The following HS3ST4 variants were observed in gnomAD, a reference collection of about 807,000 sequenced individuals.
HS3ST4 encodes heparan sulfate-glucosamine 3-sulfotransferase 4.
In HS3ST4, 17 loss-of-function variants were observed where a neutral mutation model predicts 29.2. The ratio of observed to expected loss-of-function variants is 0.58; its 90% CI spans 0.40 to 0.87. The LOEUF (loss-of-function observed/expected upper bound fraction) is 0.87. HS3ST4 is among the 40% of genes least tolerant of loss of function. The pLI is 0.00. For missense variants in HS3ST4, 627 were observed against 634.5 expected, an observed-to-expected ratio of 0.99 and a Z score of 0.13; for synonymous variants, 314 against 285.7, an observed-to-expected ratio of 1.10 and a Z score of -1.00.
intron 1 of HS3ST4, among the ~76,000 whole-genome samples, chr16:25,840,964 ATATTTGTTTGTTTATT>A (rs1293239531): frequency 1.4e-5 from 2 of 145,894 alleles, no homozygotes; most frequent in African/African-American, 5.2e-5. Flanking sequence ...ACTTTAATTT[ATATTTGTTTGTTTATT>A]TATTTATTTA....
intron 1 of HS3ST4, among the ~76,000 whole-genome samples, chr16:25,754,135 T>C (rs1966740129): frequency 6.6e-6 from 1 of 152,206 alleles, no homozygotes. Context: ...GTGCCGGTCT[T>C]ATAAAGAGCT....
At position 26,026,177 on chromosome 16, in the gene HS3ST4, G is replaced by C. The variant is rs140286121; in HGVS notation, c.735-109435G>C. On this transcript the variant is annotated intron_variant, in intron 1 of 1. Coordinates refer to ENST00000331351, the MANE Select transcript of HS3ST4 (RefSeq NM_006040.3). ...CTGCCTCAGCCTCCCAAAGTGCTGG[G>C]ATTACAGGCGTGAGCCACCGCACCC... 1.2e-3 allele frequency among the ~76,000 whole-genome samples: 190 copies of C among 152,330 alleles called. 2 individuals carry two copies. Among genetic ancestry groups the C allele is most frequent in the Admixed American group, 2.3e-3 (35 of 15,298 alleles).
chr16:25,768,143 T>C (rs1966833388), intron 1 of HS3ST4, among the ~76,000 whole-genome samples: 1 of 152,102 alleles, frequency 6.6e-6, no homozygotes, highest in Non-Finnish European at 1.5e-5. Context: ...CAGAGTTGGG[T>C]CATCAGTTTT....
At chr16:26,033,162 T>G (rs1333163298) in intron 1 of HS3ST4, among the ~76,000 whole-genome samples, 1 of 152,132 alleles carries the variant, frequency 6.6e-6, no homozygotes, top group East Asian at 1.9e-4. Context: ...GAGGACTGCT[T>G]GAGCTCAGGA....
intron 1 of HS3ST4, among the ~76,000 whole-genome samples, chr16:25,978,991 G>A (rs1316804850): frequency 1.5e-5 from 2 of 132,760 alleles, no homozygotes; most frequent in Non-Finnish European, 3.1e-5. Flanking sequence ...TCCACCTCCC[G>A]GGTTCAAGCG....
At chr16:26,002,306 G>A (rs1013486081) in intron 1 of HS3ST4, among the ~76,000 whole-genome samples, 1 of 152,192 alleles carries the variant, frequency 6.6e-6, no homozygotes, top group South Asian at 2.1e-4. Context: ...GGCGTACAAA[G>A]AGAGGGATAC....
At chr16:25,782,886 T>TC (rs1477072556) in intron 1 of HS3ST4, among the ~76,000 whole-genome samples, 1 of 152,230 alleles carries the variant, frequency 6.6e-6, no homozygotes, top group Non-Finnish European at 1.5e-5. Context: ...GCTTAATAGT[T>TC]TAAAAAATCC....
intron 1 of HS3ST4, among the ~76,000 whole-genome samples, chr16:25,780,826 A>T (rs1319222151): frequency 2.0e-5 from 3 of 152,142 alleles, no homozygotes; most frequent in African/African-American, 7.2e-5. Flanking sequence ...GATTTGTGTG[A>T]TGTCATCCTA....
intron 1 of HS3ST4, among the ~76,000 whole-genome samples, chr16:26,126,396 G>A (rs117728255): frequency 0.011 from 1,720 of 152,196 alleles, 20 homozygotes; most frequent in Non-Finnish European, 0.019. Context: ...CTTATATAGC[G>A]CTTATGATGT....
At chr16:25,914,618 GGGTGTGTGT>G (rs1968274175) in intron 1 of HS3ST4, among the ~76,000 whole-genome samples, 1 of 149,794 alleles carries the variant, frequency 6.7e-6, no homozygotes, top group South Asian at 2.1e-4. Context: ...AGGGTGTGTG[GGGTGTGTGT>G]GGTGTGTGTG....
intron 1 of HS3ST4, among the ~76,000 whole-genome samples, chr16:25,934,307 C>T (rs1459319594): frequency 6.6e-6 from 1 of 152,120 alleles, no homozygotes; most frequent in Non-Finnish European, 1.5e-5. Context: ...CAGTCTGTCT[C>T]CCCTAGGGAG....
intron 1 of HS3ST4, among the ~76,000 whole-genome samples, chr16:25,813,395 C>T (rs938958306): frequency 2.0e-5 from 3 of 151,938 alleles, no homozygotes; most frequent in Non-Finnish European, 2.9e-5. Context: ...GAGGCTGAGG[C>T]GGGCGGATCA....
rs1371928058 is a variant in HS3ST4 at position 25,828,242 on chromosome 16, C to CTGTCTGTCTT, written c.734+135092_734+135093insGTCTGTCTTT. 2.4e-4 allele frequency among the ~76,000 whole-genome samples: 18 copies of CTGTCTGTCTT among 75,010 alleles called. 1 individual carries two copies. Among genetic ancestry groups the CTGTCTGTCTT allele is most frequent in the African/African-American group, 5.2e-4 (9 of 17,244 alleles). The allele number at this position is 75,010 out of a possible 152,430, so 49.2% of individuals were successfully genotyped here. A position where few individuals can be genotyped will look rare whatever the true frequency, so the allele number is the denominator to read the frequency against. The stretch of plus-strand genomic sequence containing the variant: ...CTTTCCTTTCTTTCTTTCTTTCTTT[C>CTGTCTGTCTT]TCTTTCTTTCTTTCTTTCTTTCTTT... On this transcript the variant is annotated intron_variant, in intron 1 of 1. Coordinates refer to ENST00000331351, the MANE Select transcript of HS3ST4 (RefSeq NM_006040.3).
At chr16:25,914,423 T>G (rs62639554) in intron 1 of HS3ST4, among the ~76,000 whole-genome samples, 106,632 of 151,390 alleles carry the variant, frequency 0.7, 38,472 homozygotes, top group African/African-American at 0.86. Context: ...AATGTGCGAG[T>G]TATGTGTAGG....
intron 1 of HS3ST4, among the ~76,000 whole-genome samples, chr16:25,936,217 G>A (rs1218729212): frequency 6.6e-6 from 1 of 152,198 alleles, no homozygotes; most frequent in Non-Finnish European, 1.5e-5. Flanking sequence ...TCAGCACCTG[G>A]AGAGAGACTT....
chr16:25,874,244 A>G (rs769973862), intron 1 of HS3ST4, among the ~76,000 whole-genome samples: 2 of 152,182 alleles, frequency 1.3e-5, no homozygotes, highest in Non-Finnish European at 2.9e-5. Flanking sequence ...AAAAGATGAC[A>G]TTTGATCTGG....
At chr16:25,831,608 A>G (rs1377339826) in intron 1 of HS3ST4, among the ~76,000 whole-genome samples, 2 of 151,956 alleles carry the variant, frequency 1.3e-5, no homozygotes, top group Admixed American at 6.6e-5. Context: ...AAAAATAAAA[A>G]TAAAGATAAA....
At chr16:25,779,573 C>T (rs966452055) in intron 1 of HS3ST4, among the ~76,000 whole-genome samples, 1 of 152,196 alleles carries the variant, frequency 6.6e-6, no homozygotes, top group Non-Finnish European at 1.5e-5. Context: ...GGAGTCTAAA[C>T]CGTCTAACCT....
Position 26,136,488 on chromosome 16 carries a change from G to A in HS3ST4, c.*240G>A, listed in dbSNP as rs1000680961. 6.0e-5 allele frequency: 34 copies of A among 562,610 alleles called. No homozygotes were observed. Among genetic ancestry groups the A allele is most frequent in the Middle Eastern group, 4.8e-4 (1 of 2,100 alleles). The allele number at this position is 562,610 out of a possible 1,614,324, so 34.9% of individuals were successfully genotyped here. On this transcript the variant is annotated 3_prime_UTR_variant, in exon 2 of 2. Transcript: ENST00000331351. ...CATCTGGTTGACCAGATGGCCACCA[G>A]AACCCACTGTTCATTCTTATCTTCT...
Sources: gnomAD v4.1 joint callset for allele counts (sites outside exome capture counted in the v4.1 genomes callset) on GRCh38, gnomAD v4.1.1 for gene constraint, MANE v1.5 for transcripts, NCBI Gene and HGNC (gene_info 2026-07-23, HGNC 2026-07-21) for gene names.